PPP2R1A: variants seen among roughly 807,000 people sequenced by gnomAD.
The protein encoded by PPP2R1A is protein phosphatase 2 scaffold subunit Aalpha.
In PPP2R1A, 15 loss-of-function variants were observed where a neutral mutation model predicts 67.1. The observed-to-expected ratio is 0.22, with a 90% CI of 0.15 to 0.34. PPP2R1A has a LOEUF of 0.34. Ranked by LOEUF, PPP2R1A falls within the 10% of genes least tolerant of loss-of-function variation. The probability of loss-of-function intolerance (pLI) is 1.00; values close to 1 mark genes in which losing one functional copy is unlikely to be tolerated. For missense variants in PPP2R1A, 369 were observed against 775.0 expected (o/e 0.48, Z 6.22); for synonymous variants, 337 against 325.0 (o/e 1.04, Z -0.40).
At position 52,212,423 on chromosome 19, in the gene PPP2R1A, C is replaced by G; in HGVS notation, c.504-263C>G. 2.0e-6 allele frequency: 1 copy of G among 493,492 alleles called. No homozygotes were observed. Among genetic ancestry groups the G allele is most frequent in the Middle Eastern group, 5.5e-4 (1 of 1,822 alleles). 30.6% of individuals were successfully genotyped at this position (493,492 alleles called of 1,614,324 possible). A position where few individuals can be genotyped will look rare whatever the true frequency, so the allele number is the denominator to read the frequency against. On this transcript the variant is annotated intron_variant, in intron 4 of 14. Transcript: ENST00000322088. The surrounding 1 kb of genome is among the most constrained non-coding windows in gnomAD (Gnocchi z 4.1). ...ATTTTTATGGGAATGATGTAATCGT[C>G]AGCACTTAGCATTGACTAGATTTAT...
At chr19:52,196,866 G>T (rs965205139) in intron 1 of PPP2R1A, among the ~76,000 whole-genome samples, 7 of 152,166 alleles carry the variant, frequency 4.6e-5, no homozygotes, top group Non-Finnish European at 1.0e-4. Context: ...CTCCATTCCA[G>T]ACAGGAAGGA....
intron 1 of PPP2R1A, among the ~76,000 whole-genome samples, chr19:52,194,726 C>T (rs1211109789): frequency 6.6e-6 from 1 of 152,094 alleles, no homozygotes; most frequent in Non-Finnish European, 1.5e-5. Context: ...CAGTACTTTC[C>T]CCTCTTTGGA....
At chr19:52,220,886 G>T in intron 11 of PPP2R1A, 93 bp from the exon 12 acceptor site, 1 of 1,461,162 alleles carries the variant, frequency 6.8e-7, no homozygotes, top group African/African-American at 1.4e-5. Flanking sequence ...CCTAGGGGCT[G>T]CTTTGTAAGC....
chr19:52,211,373 T>C lies in PPP2R1A; in HGVS notation c.384T>C (p.Phe128=). Residue 128 remains phenylalanine, a synonymous_variant, in exon 4 of 15, where the codon TTT becomes TTC. Transcript: ENST00000322088. The surrounding 1 kb of genome is among the most constrained non-coding windows in gnomAD (Gnocchi z 5.3). ...CGCCCTCTGACCTGGAGGCGCACTT[T>C]GTGCCGCTAGTGAAGCGGCTGGCGG... ...EHSPSDLEAH[F]VPLVKRLAGG... 1.2e-6 allele frequency: 2 copies of C among 1,614,208 alleles called. No homozygotes were observed. Among genetic ancestry groups the C allele is most frequent in the Non-Finnish European group, 1.7e-6 (2 of 1,180,020 alleles).
chr19:52,225,701 T>A lies in PPP2R1A; in HGVS notation c.1662-16T>A, dbSNP rs1979213042. The A allele has an allele frequency of 6.2e-7, 1 of 1,612,296 alleles. No individual in the cohort carries two copies. Among genetic ancestry groups the A allele is most frequent in the Non-Finnish European group, 8.5e-7 (1 of 1,178,348 alleles). ...CTGGCTCACCCTCTCTCTCCCTGTCTCCTTTCGCTTTCCAGCACCTTGCAG... is the reference window on the plus strand; with the variant it reads ...CTGGCTCACCCTCTCTCTCCCTGTCACCTTTCGCTTTCCAGCACCTTGCAG... On this transcript the variant is annotated splice_polypyrimidine_tract_variant and intron_variant, in intron 13 of 14. Coordinates refer to ENST00000322088, the MANE Select transcript of PPP2R1A (RefSeq NM_014225.6).
chr19:52,199,937 A>T (rs959662729), intron 1 of PPP2R1A, among the ~76,000 whole-genome samples: 1 of 152,200 alleles, frequency 6.6e-6, no homozygotes, highest in African/African-American at 2.4e-5. Flanking sequence ...GACTACCTGT[A>T]TGAAAGATTT....
intron 3 of PPP2R1A, among the ~76,000 whole-genome samples, chr19:52,207,111 A>G (rs944913835): frequency 2.0e-5 from 3 of 152,346 alleles, no homozygotes; most frequent in Admixed American, 2.0e-4. Context: ...TCATCTGGGC[A>G]TATGTGTATA....
intron 1 of PPP2R1A, among the ~76,000 whole-genome samples, chr19:52,198,141 C>G (rs2089512849): frequency 6.6e-6 from 1 of 152,118 alleles, no homozygotes; most frequent in Non-Finnish European, 1.5e-5. Context: ...TTCTCATCAT[C>G]CCCACTTCAC....
chr19:52,190,404 T>C, intron 1 of PPP2R1A: 1 of 584,654 alleles, frequency 1.7e-6, no homozygotes, highest in Non-Finnish European at 3.1e-6. Context: ...GTCCCGGGCC[T>C]GCCCTGTGCG....
In PPP2R1A at chr19:52,213,466, T is replaced by TTG. The variant is rs2089695633; in HGVS notation, c.807+357_807+358insGT. 9.2e-6 allele frequency among the ~76,000 whole-genome samples: 1 copy of TTG among 108,356 alleles called. No homozygotes were observed. Among genetic ancestry groups the TTG allele is most frequent in the African/African-American group, 4.4e-5 (1 of 22,692 alleles). 71.1% of individuals were successfully genotyped at this position (108,356 alleles called of 152,430 possible). On this transcript the variant is annotated intron_variant, in intron 6 of 14. Coordinates refer to ENST00000322088, the MANE Select transcript of PPP2R1A (RefSeq NM_014225.6). This position sits in a 1 kb window ranked among gnomAD's most constrained non-coding sequence, Gnocchi z 4.2. ...GGTGGGGTTTTTTGGTGTTTTTTTT[T>TTG]TTTTTTTTTTTTTTTTTTTTTAAGA...
In PPP2R1A at chr19:52,216,796, A is replaced by C; in HGVS notation, c.1128+133A>C. 1 of 1,388,886 alleles carries C rather than the reference A, an allele frequency of 7.2e-7. No individual in the cohort carries two copies. Among genetic ancestry groups the C allele is most frequent in the African/African-American group, 1.4e-5 (1 of 70,360 alleles). The allele number at this position is 1,388,886 out of a possible 1,614,324, so 86.0% of individuals were successfully genotyped here. ...GACATCCAGATCTTTGCTGAGTTGCATGTTTGTGGGCATAGCTGTGTGTTC... is the reference window on the plus strand; with the variant it reads ...GACATCCAGATCTTTGCTGAGTTGCCTGTTTGTGGGCATAGCTGTGTGTTC... On this transcript the variant is annotated intron_variant, in intron 9 of 14. Coordinates refer to ENST00000322088, the MANE Select transcript of PPP2R1A (RefSeq NM_014225.6). The surrounding 1 kb of genome is among the most constrained non-coding windows in gnomAD (Gnocchi z 4.3).
chr19:52,201,088 TCTG>T lies in PPP2R1A; in HGVS notation c.79-854_79-852del. 2 of 151,114 alleles carry T rather than the reference TCTG, an allele frequency of 1.3e-5. 1 individual carries two copies. The highest frequency in any genetic ancestry group is 4.9e-5 in the African/African-American group (2 of 40,828). The allele number at this position is 151,114 out of a possible 1,614,324, so 9.4% of individuals were successfully genotyped here. A position where few individuals can be genotyped will look rare whatever the true frequency, so the allele number is the denominator to read the frequency against. On this transcript the variant is annotated intron_variant, in intron 1 of 14. Coordinates refer to ENST00000322088, the MANE Select transcript of PPP2R1A (RefSeq NM_014225.6). ...TATTATCTGGACACACTTAACTACG[TCTG>T]CAAAGACCGTTTTGACGTGCACGTC...
At chr19:52,210,628 A>T (rs956985068) in intron 3 of PPP2R1A, among the ~76,000 whole-genome samples, 2 of 151,108 alleles carry the variant, frequency 1.3e-5, no homozygotes, top group Non-Finnish European at 2.9e-5. Context: ...AGTAGCTGGG[A>T]TTACAGGTGC....
At position 52,211,933 on chromosome 19, in the gene PPP2R1A, G is replaced by A. The variant is rs11669779; in HGVS notation, c.503+441G>A. On this transcript the variant is annotated intron_variant, in intron 4 of 14. Transcript: ENST00000322088. The surrounding 1 kb of genome is among the most constrained non-coding windows in gnomAD (Gnocchi z 5.3). ...TTGCAAACGATTGACCGTCAAGCCCGGGTTTGAGCCTGACTCACTCCAGAA... is the reference window on the plus strand; with the variant it reads ...TTGCAAACGATTGACCGTCAAGCCCAGGTTTGAGCCTGACTCACTCCAGAA... 3.3e-5 allele frequency among the ~76,000 whole-genome samples: 5 copies of A among 152,192 alleles called. No individual in the cohort carries two copies. Among genetic ancestry groups the A allele is most frequent in the Non-Finnish European group, 5.9e-5 (4 of 68,040 alleles).
Position 52,222,257 on chromosome 19 carries a change from T to TC in PPP2R1A, c.1661+21dup, listed in dbSNP as rs912406887. The stretch of plus-strand genomic sequence containing the variant: ...TGGACAACAGGTGAGGTCTGGATAC[T>TC]CCCCCACACACTGGCAGGGGCTTCT... On this transcript the variant is annotated intron_variant, in intron 13 of 14. Transcript: ENST00000322088. 19 of 1,608,994 alleles carry TC rather than the reference T, an allele frequency of 1.2e-5. No homozygotes were observed. Among genetic ancestry groups the TC allele is most frequent in the East Asian group, 4.5e-5 (2 of 44,570 alleles).
chr19:52,194,559 A>G (rs1238929744), intron 1 of PPP2R1A, among the ~76,000 whole-genome samples: 1 of 151,920 alleles, frequency 6.6e-6, no homozygotes, highest in Non-Finnish European at 1.5e-5. Context: ...AGCACCCAGG[A>G]CCAGTGTTAG....
At chr19:52,197,703 A>T (rs1020649255) in intron 1 of PPP2R1A, among the ~76,000 whole-genome samples, 3 of 152,154 alleles carry the variant, frequency 2.0e-5, no homozygotes, top group Non-Finnish European at 4.4e-5. Flanking sequence ...ACAAAAAAGA[A>T]AAAACAGAGC....
At chr19:52,222,469 A>C in intron 13 of PPP2R1A, 1 of 470,122 alleles carries the variant, frequency 2.1e-6, no homozygotes, top group Non-Finnish European at 3.6e-6. Flanking sequence ...TATACTAGCA[A>C]CAAGTCATTA....
At position 52,228,622 on chromosome 19, in the gene PPP2R1A, G is replaced by C. The variant is rs1027183368; in HGVS notation, c.*2641G>C. On this transcript the variant is annotated 3_prime_UTR_variant, in exon 15 of 15. Transcript: ENST00000322088. Reference sequence around the variant, plus strand: ...TTTGATGCTGGAGCTGGGTCAGGGTGGAGAGACTGTGTGGAGCCAGGACTC... The same window carrying C: ...TTTGATGCTGGAGCTGGGTCAGGGTCGAGAGACTGTGTGGAGCCAGGACTC... 4 of 152,246 alleles carry C rather than the reference G, an allele frequency of 2.6e-5. No homozygotes were observed. Among genetic ancestry groups the C allele is most frequent in the Non-Finnish European group, 5.9e-5 (4 of 68,086 alleles). 9.4% of individuals were successfully genotyped at this position (152,246 alleles called of 1,614,324 possible).
Sources: allele counts gnomAD v4.1 joint callset (sites outside exome capture counted in the v4.1 genomes callset), GRCh38; gene constraint gnomAD v4.1.1; non-coding constraint Gnocchi (gnomAD v3.1); transcripts MANE v1.5; gene names NCBI Gene and HGNC (gene_info 2026-07-23, HGNC 2026-07-21).